TXK: variants seen among roughly 807,000 people sequenced by gnomAD.
TXK encodes TXK tyrosine kinase.
In TXK, 60 loss-of-function variants were observed where a neutral mutation model predicts 81.0. The ratio of observed to expected loss-of-function variants is 0.74; its 90% CI spans 0.60 to 0.92. The LOEUF (loss-of-function observed/expected upper bound fraction) is 0.92, where lower values mean the gene tolerates loss of function less well. TXK is among the 40% of genes least tolerant of loss of function. TXK has a pLI of 0.00. For synonymous variants in TXK, 203 were observed against 210.7 expected (o/e 0.96, Z 0.32); for missense variants, 581 against 638.3 (o/e 0.91, Z 0.97).
At chr4:48,094,012 C>G in intron 8 of TXK, 65 bp downstream of exon 8, 1 of 1,603,422 alleles carries the variant, frequency 6.2e-7, no homozygotes, top group Non-Finnish European at 8.5e-7. Flanking sequence ...TGCCTGATAC[C>G]AAAGATGCAT....
At chr4:48,120,933 GTCAACTCTAAGTCC>G (rs1254297722) in intron 1 of TXK, among the ~76,000 whole-genome samples, 4 of 151,958 alleles carry the variant, frequency 2.6e-5, no homozygotes, top group Admixed American at 2.6e-4. Flanking sequence ...AAATCCAACG[GTCAACTCTAAGTCC>G]TCATCTTACT....
Position 48,128,561 on chromosome 4 carries a change from C to CTTTTTTTT in TXK, c.16+5586_16+5593dup, listed in dbSNP as rs58431850. On this transcript the variant is annotated intron_variant, in intron 1 of 14. Coordinates refer to ENST00000264316, the MANE Select transcript of TXK (RefSeq NM_003328.3). The stretch of plus-strand genomic sequence containing the variant: ...TGCCATAAATGCCCACCACTACATC[C>CTTTTTTTT]TTTTTTTTTTTTTTTTTTTTTTGAG... 9.4e-5 allele frequency among the ~76,000 whole-genome samples: 8 copies of CTTTTTTTT among 85,296 alleles called. No individual in the cohort carries two copies. In the East Asian group the frequency reaches 1.5e-3, roughly 16 times the overall value. The allele number at this position is 85,296 out of a possible 152,430, so 56.0% of individuals were successfully genotyped here. A position where few individuals can be genotyped will look rare whatever the true frequency, so the allele number is the denominator to read the frequency against.
intron 1 of TXK, among the ~76,000 whole-genome samples, chr4:48,116,099 G>A (rs1476700546): frequency 3.3e-5 from 5 of 152,174 alleles, no homozygotes; most frequent in African/African-American, 1.2e-4. Flanking sequence ...CTGTAAAACT[G>A]AGGTAAATAG....
Position 48,071,671 on chromosome 4 carries a change from A to T in TXK, c.1361T>A (p.Val454Asp), listed in dbSNP as rs961256556. The change falls in exon 14 of 15, where the codon GTT (valine) becomes GAT (aspartate). Residue 454 changes from valine to aspartate, a missense_variant. Coordinates refer to ENST00000264316, the MANE Select transcript of TXK (RefSeq NM_003328.3). ...SSKSDVWSFG[V>D]LMWEVFTEGK... ...TTCTGTAAAAACTTCCCACATTAAA[A>T]CTCCTGCAAACAAAAATGCAGGAAA... The T allele has an allele frequency of 1.5e-5, 25 of 1,613,196 alleles. No individual in the cohort carries two copies. The highest frequency in any genetic ancestry group is 1.9e-5 in the Non-Finnish European group (23 of 1,179,818).
At chr4:48,080,705 A>C (rs868427340) in intron 10 of TXK, among the ~76,000 whole-genome samples, 4 of 89,040 alleles carry the variant, frequency 4.5e-5, no homozygotes, top group East Asian at 3.5e-4. Flanking sequence ...CACACACACA[A>C]AGACTTGAAT....
At chr4:48,107,838 G>C (rs541125284) in intron 5 of TXK, among the ~76,000 whole-genome samples, 2 of 151,226 alleles carry the variant, frequency 1.3e-5, no homozygotes, top group Non-Finnish European at 2.9e-5. Context: ...AGAGGCGGGC[G>C]GATCACGGGG....
intron 6 of TXK, among the ~76,000 whole-genome samples, chr4:48,101,619 A>G (rs1718199487): frequency 6.6e-6 from 1 of 151,998 alleles, no homozygotes. Context: ...ATAAATTAGA[A>G]AAACATTTTT....
intron 14 of TXK, among the ~76,000 whole-genome samples, chr4:48,068,171 T>C (rs1207813412): frequency 6.6e-6 from 1 of 152,134 alleles, no homozygotes; most frequent in East Asian, 1.9e-4. Context: ...AAGAACCCAA[T>C]AGCCAGAAGT....
In TXK at chr4:48,109,216, A is replaced by C. The variant is rs188249505; in HGVS notation, c.446+1322T>G. The C allele has an allele frequency of 1.9e-4, 28 of 149,824 alleles. No homozygotes were observed. The East Asian group carries it at 5.5e-3, about 29-fold the overall frequency. The allele number at this position is 149,824 out of a possible 1,614,324, so 9.3% of individuals were successfully genotyped here. A position where few individuals can be genotyped will look rare whatever the true frequency, so the allele number is the denominator to read the frequency against. On this transcript the variant is annotated intron_variant, in intron 5 of 14. Transcript: ENST00000264316. ...TTTTCTGTCCTTTTTTTATAGAGAT[A>C]GGGTCTCACCATGTTGCCCAGGATG...
intron 6 of TXK, among the ~76,000 whole-genome samples, chr4:48,096,546 A>G (rs1717986666): frequency 6.6e-6 from 1 of 152,106 alleles, no homozygotes; most frequent in African/African-American, 2.4e-5. Context: ...TTTGAGATGG[A>G]GTCTCGCTTC....
At position 48,071,554 on chromosome 4, in the gene TXK, A is replaced by AT. The variant is rs1245714047; in HGVS notation, c.1477dup (p.Met493AsnfsTer5). ...GCTGTACATGACTTCATATATGGAC[A>AT]TTGGTGCCAGGTGAGGGCGATATAG... On this transcript the variant is annotated frameshift_variant, in exon 14 of 15. Transcript: ENST00000264316. LOFTEE classifies it high-confidence loss of function. 2 of 1,614,154 alleles carry AT rather than the reference A, an allele frequency of 1.2e-6. No homozygotes were observed. Among genetic ancestry groups the AT allele is most frequent in the Admixed American group, 1.7e-5 (1 of 60,010 alleles).
At chr4:48,100,286 A>G (rs1440842792) in intron 6 of TXK, among the ~76,000 whole-genome samples, 3 of 152,140 alleles carry the variant, frequency 2.0e-5, no homozygotes, top group Non-Finnish European at 2.9e-5. Context: ...GAAAAACTGC[A>G]GGAAATAATG....
rs542370902 is a variant in TXK at position 48,133,125 on chromosome 4, T to C, written c.16+1030A>G. ...AATATAAAGGAACTGGTATAGACCA[T>C]GGCCCATAGTAGGTGCTCAATAAAT... On this transcript the variant is annotated intron_variant, in intron 1 of 14. Coordinates refer to ENST00000264316, the MANE Select transcript of TXK (RefSeq NM_003328.3). Among the ~76,000 whole-genome samples, 4 of 152,168 alleles carry C rather than the reference T, an allele frequency of 2.6e-5. No individual in the cohort carries two copies. In the South Asian group the frequency reaches 6.2e-4, roughly 24 times the overall value.
rs1440414519 is a variant in TXK, at chr4:48,080,002, C to T, written c.1083G>A (p.Lys361=). The T allele has an allele frequency of 3.1e-6, 5 of 1,613,962 alleles. No individual in the cohort carries two copies. Among genetic ancestry groups the T allele is most frequent in the Non-Finnish European group, 4.2e-6 (5 of 1,180,000 alleles). ...CACTCAGTAGCATTTCCTTCCTAAGCTTTCCTTTATTCTCCCTGAGATAGT... is the reference window on the plus strand; with the variant it reads ...CACTCAGTAGCATTTCCTTCCTAAGTTTTCCTTTATTCTCCCTGAGATAGT... ...LLNYLRENKG[K]LRKEMLLSVC... is the part of the protein sequence containing the mutation. The change falls in exon 11 of 15, where the codon AAG becomes AAA. Residue 361 remains lysine, a synonymous_variant. Transcript: ENST00000264316.
intron 11 of TXK, among the ~76,000 whole-genome samples, chr4:48,078,238 G>A (rs1027504250): frequency 2.0e-5 from 3 of 152,154 alleles, no homozygotes; most frequent in East Asian, 1.9e-4. Flanking sequence ...TGTAAATGAC[G>A]TAAATAATTA....
chr4:48,132,936 ACT>A (rs1254644534), intron 1 of TXK, among the ~76,000 whole-genome samples: 2 of 149,692 alleles, frequency 1.3e-5, no homozygotes, highest in South Asian at 4.2e-4. Context: ...ACAGAGCAAG[ACT>A]CTGTCTAAAA....
At chr4:48,133,578 C>T (rs896797149) in intron 1 of TXK, among the ~76,000 whole-genome samples, 3 of 152,010 alleles carry the variant, frequency 2.0e-5, no homozygotes, top group Non-Finnish European at 2.9e-5. Flanking sequence ...GAAAGGTCCT[C>T]GATAACGGAA....
intron 1 of TXK, among the ~76,000 whole-genome samples, chr4:48,131,409 T>G (rs1228839925): frequency 6.6e-6 from 1 of 151,628 alleles, no homozygotes; most frequent in Non-Finnish European, 1.5e-5. Flanking sequence ...AACCTCAAAC[T>G]CCTCAGCTTA....
intron 1 of TXK, among the ~76,000 whole-genome samples, chr4:48,120,491 C>CTT (rs1217036533): frequency 2.1e-5 from 3 of 142,534 alleles, no homozygotes; most frequent in Non-Finnish European, 3.1e-5. Context: ...AAATAAGTCT[C>CTT]TTTTTTTTTT....
Sources: allele counts gnomAD v4.1 joint callset (sites outside exome capture counted in the v4.1 genomes callset), GRCh38; gene constraint gnomAD v4.1.1; transcripts MANE v1.5; gene names NCBI Gene and HGNC (gene_info 2026-07-23, HGNC 2026-07-21).